DIS3L: variants seen among roughly 807,000 people sequenced by gnomAD.
The protein encoded by DIS3L is DIS3 like exosome 3'-5' exoribonuclease.
In DIS3L, 100 loss-of-function variants were observed where a neutral mutation model predicts 120.3. The ratio of observed to expected loss-of-function variants is 0.83; its 90% CI spans 0.71 to 0.98. The LOEUF is 0.98. Ranked by LOEUF, DIS3L falls within the 50% of genes least tolerant of loss-of-function variation. The pLI is 0.00. For synonymous variants in DIS3L, 426 were observed against 470.6 expected, an observed-to-expected ratio of 0.91 and a Z score of 1.23; for missense variants, 1,196 against 1,314.2, an observed-to-expected ratio of 0.91 and a Z score of 1.39.
chr15:66,315,962 C>T (rs895869489), intron 7 of DIS3L, among the ~76,000 whole-genome samples: 3 of 152,198 alleles, frequency 2.0e-5, no homozygotes, highest in Non-Finnish European at 1.5e-5. Context: ...GCTGGCTGCT[C>T]TTCTCAGTTC....
At chr15:66,293,554 C>G (rs1049268489), upstream of DIS3L, 62 of 1,389,182 alleles carry the variant, frequency 4.5e-5, no homozygotes, top group Non-Finnish European at 5.8e-5. Context: ...GGCCTTGCCT[C>G]CGCCGCGCCC....
chr15:66,317,719 A>G (rs1006570896), intron 7 of DIS3L, among the ~76,000 whole-genome samples: 1 of 152,116 alleles, frequency 6.6e-6, no homozygotes, highest in African/African-American at 2.4e-5. Flanking sequence ...GCACGTGCCT[A>G]TAGACCCAGC....
intron 7 of DIS3L, among the ~76,000 whole-genome samples, chr15:66,316,463 C>T (rs1396683101): frequency 6.6e-6 from 1 of 152,182 alleles, no homozygotes; most frequent in Admixed American, 6.5e-5. Flanking sequence ...TCTTCCTGCT[C>T]CCACCCTTGC....
intron 14 of DIS3L, 39 bp downstream of exon 14, chr15:66,329,438 T>G: frequency 1.3e-6 from 2 of 1,573,110 alleles, no homozygotes; most frequent in African/African-American, 1.4e-5. Flanking sequence ...CTGTCATCTC[T>G]TGCTAAGAAA....
At chr15:66,305,936 A>C (rs1003392002) in intron 2 of DIS3L, among the ~76,000 whole-genome samples, 2 of 152,212 alleles carry the variant, frequency 1.3e-5, no homozygotes, top group African/African-American at 4.8e-5. Context: ...AAACTGGCCC[A>C]TAGGAGACTT....
chr15:66,320,515 A>G (rs2092870788), intron 8 of DIS3L, 56 bp from the exon 9 acceptor site: 3 of 1,545,746 alleles, frequency 1.9e-6, no homozygotes, highest in Non-Finnish European at 8.7e-7. Context: ...GATGCCTCTA[A>G]TTGACCCACT....
chr15:66,322,601 A>G (rs969076829), intron 9 of DIS3L, 86 bp from the exon 10 acceptor site: 15 of 1,548,380 alleles, frequency 9.7e-6, no homozygotes, highest in East Asian at 4.5e-5. Flanking sequence ...ATGAATTTCT[A>G]TGTGGTCATA....
Position 66,311,801 on chromosome 15 carries a change from G to A in DIS3L, c.636G>A (p.Glu212=), listed in dbSNP as rs1166082956. ...LCDSILQSRR[E]RENESQESHG... is the part of the protein sequence containing the mutation. ...ATTCTATCCTTCAGTCTCGACGGGA[G>A]AGAGAGAATGAGAGTCAGGAGAGCC... The change falls in exon 5 of 17, where the codon GAG becomes GAA. Residue 212 remains glutamate (E), a synonymous_variant. Transcript: ENST00000319212. The A allele has an allele frequency of 9.9e-6, 16 of 1,614,018 alleles. No homozygotes were observed. The highest frequency in any genetic ancestry group is 2.2e-5 in the East Asian group (1 of 44,894).
In DIS3L at chr15:66,306,828, T is replaced by C. The variant is rs1230411528; in HGVS notation, c.298T>C (p.Tyr100His). The change falls in exon 3 of 17, where the codon TAT (tyrosine) becomes CAT (histidine). Residue 100 changes from tyrosine to histidine, a missense_variant. By Grantham distance (83) the Tyr-to-His change is moderately conservative. Coordinates refer to ENST00000319212, the MANE Select transcript of DIS3L (RefSeq NM_001143688.3). ...AVQHQRGRRQ[Y>H]NKLRNLLKDA... ...TTTTTCTCCTCCGTGTCACAGACAG[T>C]ATAACAAACTGCGAAACCTGCTGAA... The C allele has an allele frequency of 3.7e-6, 6 of 1,614,138 alleles. No individual in the cohort carries two copies. Among genetic ancestry groups the C allele is most frequent in the Non-Finnish European group, 5.1e-6 (6 of 1,179,974 alleles).
intron 4 of DIS3L, among the ~76,000 whole-genome samples, chr15:66,309,525 C>T (rs190850962): frequency 3.9e-5 from 6 of 152,208 alleles, no homozygotes; most frequent in Admixed American, 3.3e-4. Flanking sequence ...ACATCTATGC[C>T]AGCCACTTTT....
chr15:66,307,909 A>G (rs2092717511), intron 3 of DIS3L, among the ~76,000 whole-genome samples: 1 of 152,208 alleles, frequency 6.6e-6, no homozygotes, highest in Non-Finnish European at 1.5e-5. Flanking sequence ...AAAGCTGGGC[A>G]TGGTGGCTCA....
intron 7 of DIS3L, among the ~76,000 whole-genome samples, chr15:66,315,750 C>G (rs190029702): frequency 6.6e-6 from 1 of 152,168 alleles, no homozygotes; most frequent in Non-Finnish European, 1.5e-5. Context: ...GTTAACTCCA[C>G]GTTCTCTCTT....
rs1241149412 is a variant in DIS3L, at chr15:66,319,869, C to T, written c.1165-702C>T. Among the ~76,000 whole-genome samples, 3 of 150,664 alleles carry T rather than the reference C, an allele frequency of 2.0e-5. No individual in the cohort carries two copies. In the Admixed American group the frequency reaches 2.0e-4, roughly 10 times the overall value. On this transcript the variant is annotated intron_variant, in intron 8 of 16. Coordinates refer to ENST00000319212, the MANE Select transcript of DIS3L (RefSeq NM_001143688.3). ...GTGGCTCATGCCTGTAATCCCAACACTTTGGGAGGCCGAGGCAGGTGGATC... is the reference window on the plus strand; with the variant it reads ...GTGGCTCATGCCTGTAATCCCAACATTTTGGGAGGCCGAGGCAGGTGGATC...
intron 11 of DIS3L, 141 bp downstream of exon 11, chr15:66,323,726 C>T (rs1806154206): frequency 6.6e-6 from 5 of 756,858 alleles, no homozygotes; most frequent in Non-Finnish European, 8.9e-6. Context: ...AACCTCACCC[C>T]CGACCCCAAC....
intron 14 of DIS3L, chr15:66,329,636 AC>A: frequency 8.3e-7 from 1 of 1,203,362 alleles, no homozygotes; most frequent in Non-Finnish European, 1.0e-6. Context: ...GATTCAAGCA[AC>A]GCATAAAGAT....
At chr15:66,298,305 C>T (rs2092611837) in intron 2 of DIS3L, among the ~76,000 whole-genome samples, 1 of 151,550 alleles carries the variant, frequency 6.6e-6, no homozygotes, top group Admixed American at 6.6e-5. Flanking sequence ...AGTGATATAT[C>T]CATCTTGTTT....
Position 66,311,776 on chromosome 15 carries a change from A to C in DIS3L, c.611A>C (p.Asp204Ala). The change falls in exon 5 of 17, where the codon GAT (aspartate) becomes GCT (alanine). Residue 204 changes from aspartate (D) to alanine (A), a missense_variant. By Grantham distance (126) the Asp-to-Ala change is moderately radical. Transcript: ENST00000319212. ...PDLKAAHELC[D>A]SILQSRRERE... ...TTAAAAGCTGCCCACGAGCTTTGTG[A>C]TTCTATCCTTCAGTCTCGACGGGAG... The C allele has an allele frequency of 2.5e-6, 4 of 1,614,134 alleles. No individual in the cohort carries two copies. Among genetic ancestry groups the C allele is most frequent in the Non-Finnish European group, 3.4e-6 (4 of 1,180,020 alleles).
At position 66,311,630 on chromosome 15, in the gene DIS3L, G is replaced by A; in HGVS notation, c.559-94G>A. The A allele has an allele frequency of 2.7e-6, 4 of 1,469,014 alleles. No homozygotes were observed. The South Asian group carries it at 3.5e-5, about 13-fold the overall frequency. 91.0% of individuals were successfully genotyped at this position (1,469,014 alleles called of 1,614,324 possible). On this transcript the variant is annotated intron_variant, in intron 4 of 16. Coordinates refer to ENST00000319212, the MANE Select transcript of DIS3L (RefSeq NM_001143688.3). ...ACTGAGCACCCCCTCAAGATGGCAG[G>A]CCAGCAATTCCTAGTCAGGAGTTTC...
intron 3 of DIS3L, 72 bp downstream of exon 3, chr15:66,307,024 G>A: frequency 6.3e-7 from 1 of 1,590,172 alleles, no homozygotes; most frequent in South Asian, 1.1e-5. Flanking sequence ...CTGTTTGGGA[G>A]TTGATCTAAA....
Sources: gnomAD v4.1 joint callset for allele counts (sites outside exome capture counted in the v4.1 genomes callset) on GRCh38, gnomAD v4.1.1 for gene constraint, MANE v1.5 for transcripts, NCBI Gene and HGNC (gene_info 2026-07-23, HGNC 2026-07-21) for gene names.